WDFY3: variants seen among roughly 807,000 people sequenced by gnomAD.
WDFY3 encodes the protein WD repeat and FYVE domain-containing protein 3.
A neutral mutation model predicts 409.6 loss-of-function variants in WDFY3; 66 were observed. That is an observed-to-expected ratio of 0.16 (90% CI 0.13 to 0.20). The LOEUF (loss-of-function observed/expected upper bound fraction) is 0.20, where lower values mean the gene tolerates loss of function less well. WDFY3 is among the 10% of genes least tolerant of loss of function. WDFY3 has a pLI of 1.00. For synonymous variants in WDFY3, 1,521 were observed against 1,537.1 expected (o/e 0.99, Z 0.25); for missense variants, 3,031 against 4,298.1 (o/e 0.71, Z 8.24).
chr4:84,827,942 C>CA lies in WDFY3; in HGVS notation c.957-962dup, dbSNP rs1225735516. Among the ~76,000 whole-genome samples, 12 of 151,412 alleles carry CA rather than the reference C, an allele frequency of 7.9e-5. No homozygotes were observed. In the South Asian group the frequency reaches 8.4e-4, roughly 11 times the overall value. On this transcript the variant is annotated intron_variant, in intron 9 of 67. Transcript: ENST00000295888. The stretch of plus-strand genomic sequence containing the variant: ...ACCAGCCTGGGCAACATAGGCTCTA[C>CA]AAAAAAAATAAATAAAATATAGCTG...
intron 2 of WDFY3, among the ~76,000 whole-genome samples, chr4:84,912,773 G>A (rs529315211): frequency 6.6e-6 from 1 of 152,128 alleles, no homozygotes; most frequent in Non-Finnish European, 1.5e-5. Context: ...AGCTTACCAA[G>A]GACATTTATT....
chr4:84,706,188 T>C (rs775909425), intron 53 of WDFY3, among the ~76,000 whole-genome samples: 1 of 152,224 alleles, frequency 6.6e-6, no homozygotes, highest in Non-Finnish European at 1.5e-5. Context: ...AAGTGGAAAT[T>C]TGAAATATGT....
chr4:84,731,275 T>C (rs746481886), intron 44 of WDFY3, among the ~76,000 whole-genome samples: 3 of 152,190 alleles, frequency 2.0e-5, no homozygotes, highest in Non-Finnish European at 4.4e-5. Flanking sequence ...GGATAATAGA[T>C]ACTACCACTT....
At chr4:84,943,398 G>A (rs1394591591) in intron 1 of WDFY3, among the ~76,000 whole-genome samples, 3 of 152,010 alleles carry the variant, frequency 2.0e-5, no homozygotes, top group Non-Finnish European at 4.4e-5. Context: ...CAGCTACTCA[G>A]GAGGCTGAGG....
At chr4:84,914,098 A>G (rs1172473893) in intron 2 of WDFY3, among the ~76,000 whole-genome samples, 1 of 152,182 alleles carries the variant, frequency 6.6e-6, no homozygotes, top group African/African-American at 2.4e-5. Context: ...GTGTTAATCA[A>G]CTGTTCATGT....
intron 36 of WDFY3, among the ~76,000 whole-genome samples, chr4:84,750,025 T>C (rs1221348975): frequency 1.3e-5 from 2 of 152,206 alleles, no homozygotes; most frequent in African/African-American, 4.8e-5. Flanking sequence ...GCTATCACTG[T>C]ATGTTTCCAG....
intron 2 of WDFY3, among the ~76,000 whole-genome samples, chr4:84,915,229 AAAACTT>A (rs1388406841): frequency 6.6e-6 from 1 of 152,180 alleles, no homozygotes; most frequent in Non-Finnish European, 1.5e-5. Flanking sequence ...CAGATGATGA[AAAACTT>A]CCGGAAATAG....
At chr4:84,713,806 GTGT>G (rs1331544526) in intron 50 of WDFY3, among the ~76,000 whole-genome samples, 2 of 152,156 alleles carry the variant, frequency 1.3e-5, no homozygotes, top group Non-Finnish European at 2.9e-5. Flanking sequence ...CCAGAGATGT[GTGT>G]TGTTTTTCCT....
intron 1 of WDFY3, among the ~76,000 whole-genome samples, chr4:84,964,384 A>G (rs1775336558): frequency 6.6e-6 from 1 of 152,130 alleles, no homozygotes; most frequent in Non-Finnish European, 1.5e-5. Context: ...GAGAAGGATC[A>G]CTCGGGCCCA....
chr4:84,773,643 A>C (rs1480985166), intron 29 of WDFY3, among the ~76,000 whole-genome samples: 2 of 152,260 alleles, frequency 1.3e-5, no homozygotes, highest in African/African-American at 4.8e-5. Context: ...CTTTAAATAT[A>C]CATTCTTGAC....
At chr4:84,915,385 G>A (rs1437445347) in intron 2 of WDFY3, among the ~76,000 whole-genome samples, 1 of 152,100 alleles carries the variant, frequency 6.6e-6, no homozygotes, top group Admixed American at 6.5e-5. Flanking sequence ...TATTATTCCT[G>A]AAACAGAATT....
chr4:84,918,315 G>A (rs1366672288), intron 2 of WDFY3, among the ~76,000 whole-genome samples: 1 of 152,070 alleles, frequency 6.6e-6, no homozygotes, highest in Non-Finnish European at 1.5e-5. Context: ...ACATAGAAAA[G>A]AAGATGAATG....
chr4:84,833,688 AAAGAG>A lies in WDFY3; in HGVS notation c.577-2088_577-2084del, dbSNP rs1553979587. On this transcript the variant is annotated intron_variant, in intron 7 of 67. Transcript: ENST00000295888. ...AAAGAAAAGAAAAGAAAAGAAAAGA[AAAGAG>A]AAGAGAAGAGAAGAGAACAGAACAG... is the stretch of plus-strand genomic sequence containing the variant. 4.6e-3 allele frequency among the ~76,000 whole-genome samples: 695 copies of A among 149,602 alleles called. 2 individuals are homozygous for A. The highest frequency in any genetic ancestry group is 0.012 in the Admixed American group (172 of 14,904).
chr4:84,902,226 C>G (rs1032298246), intron 2 of WDFY3, among the ~76,000 whole-genome samples: 1 of 152,030 alleles, frequency 6.6e-6, no homozygotes, highest in African/African-American at 2.4e-5. Flanking sequence ...TGCAGACTGC[C>G]CATGAGAAAT....
At chr4:84,963,713 A>T (rs76810005) in intron 1 of WDFY3, among the ~76,000 whole-genome samples, 5,580 of 152,286 alleles carry the variant, frequency 0.037, 205 homozygotes, top group Admixed American at 0.11. Flanking sequence ...CATCAATCAA[A>T]TGGTATTACC....
At chr4:84,900,072 G>T (rs1766145895) in intron 2 of WDFY3, among the ~76,000 whole-genome samples, 1 of 151,934 alleles carries the variant, frequency 6.6e-6, no homozygotes, top group South Asian at 2.1e-4. Flanking sequence ...GAAAGAAAAA[G>T]AAATGAAATG....
Position 84,810,330 on chromosome 4 carries a change from G to A in WDFY3, c.1902C>T (p.Val634=), listed in dbSNP as rs919657063. The A allele has an allele frequency of 1.4e-5, 22 of 1,597,054 alleles. No individual in the cohort carries two copies. Among genetic ancestry groups the A allele is most frequent in the African/African-American group, 2.7e-5 (2 of 73,920 alleles). Residue 634 remains valine (V), a synonymous_variant, in exon 14 of 68, where the codon GTC becomes GTT. Coordinates refer to ENST00000295888, the MANE Select transcript of WDFY3 (RefSeq NM_014991.6). ...KTDILRALLS[V]LRESHRSRTV... ...TTCTTGAACGATGGCTTTCTCGAAG[G>A]ACCGACAGGAGGGCCTACAGGAGAC...
rs35512337 is a variant in WDFY3, at chr4:84,684,285, T to TA, written c.9544-161dup. 1.9e-4 allele frequency among the ~76,000 whole-genome samples: 29 copies of TA among 151,424 alleles called. No individual in the cohort carries two copies. The East Asian group carries it at 3.5e-3, about 18-fold the overall frequency. On this transcript the variant is annotated intron_variant, in intron 62 of 67. Transcript: ENST00000295888. ...ACCTGAAATTCAGTGCTTGCTGACT[T>TA]AAAAAAAAATACTCCGAACAGAGGC...
At chr4:84,803,123 T>A in intron 16 of WDFY3, 167 bp downstream of exon 16, 1 of 670,540 alleles carries the variant, frequency 1.5e-6, no homozygotes. Context: ...ATCTACCATT[T>A]ATCATGAAAG....
Sources: allele counts gnomAD v4.1 joint callset (sites outside exome capture counted in the v4.1 genomes callset), GRCh38; gene constraint gnomAD v4.1.1; transcripts MANE v1.5; gene names NCBI Gene and HGNC (gene_info 2026-07-23, HGNC 2026-07-21).